Variants in ABL2 observed in about 807,000 individuals in gnomAD.
The protein encoded by ABL2 is tyrosine-protein kinase ABL2.
In ABL2, 49 loss-of-function variants were observed where a neutral mutation model predicts 107.7. The ratio of observed to expected loss-of-function variants is 0.45; its 90% CI spans 0.36 to 0.58. The LOEUF (loss-of-function observed/expected upper bound fraction) is 0.58. Ranked by LOEUF, ABL2 falls within the 20% of genes least tolerant of loss-of-function variation. The pLI, the probability that ABL2 is intolerant of heterozygous loss-of-function variation, is 0.00. For missense variants in ABL2, 1,245 were observed against 1,457.0 expected (o/e 0.85, Z 2.37); for synonymous variants, 549 against 548.6 (o/e 1.00, Z -0.01).
intron 1 of ABL2, among the ~76,000 whole-genome samples, chr1:179,133,672 T>C (rs1041691963): frequency 7.2e-5 from 11 of 152,322 alleles, no homozygotes; most frequent in African/African-American, 2.4e-4. Flanking sequence ...CAATATATAG[T>C]AGTCCCCCTT....
rs1172567627 is a variant in ABL2 at position 179,117,503 on chromosome 1, G to C, written c.1237C>G (p.Arg413Gly). ...KNFIHRDLAARNCLVGENHVV... is the reference protein window; with the variant it reads ...KNFIHRDLAAGNCLVGENHVV... ...TGGTTTTCTCCCACTAGGCAGTTAC[G>C]AGCTGCAAGATCTCTGTGGGAAAGA... The change falls in exon 8 of 12, where the codon CGT becomes GGT. Residue 413 changes from arginine (R) to glycine (G), a missense_variant. By Grantham distance (125) the Arg-to-Gly change is moderately radical. Coordinates refer to ENST00000502732, the MANE Select transcript of ABL2 (RefSeq NM_007314.4). The C allele has an allele frequency of 1.9e-6, 3 of 1,614,030 alleles. No homozygotes were observed.
rs781506284 is a variant in ABL2 at position 179,118,540 on chromosome 1, G to T, written c.1223+47C>A. 5.1e-6 allele frequency: 8 copies of T among 1,559,302 alleles called. No individual in the cohort carries two copies. The East Asian group carries it at 1.8e-4, about 35-fold the overall frequency. On this transcript the variant is annotated intron_variant, in intron 7 of 11. Transcript: ENST00000502732. Reference sequence around the variant, plus strand: ...CTCACATTCTTCCTTTTATCTGCATGTCAAGCAAGATGGCTTCATGGTTGG... The same window carrying T: ...CTCACATTCTTCCTTTTATCTGCATTTCAAGCAAGATGGCTTCATGGTTGG...
At chr1:179,163,982 G>A (rs1346376747) in intron 1 of ABL2, among the ~76,000 whole-genome samples, 2 of 152,154 alleles carry the variant, frequency 1.3e-5, no homozygotes, top group African/African-American at 4.8e-5. Context: ...CTAGCTCTAT[G>A]ACACTGCTGA....
At chr1:179,212,814 A>G (rs2124829453) in intron 1 of ABL2, among the ~76,000 whole-genome samples, 1 of 152,044 alleles carries the variant, frequency 6.6e-6, no homozygotes, top group East Asian at 1.9e-4. Flanking sequence ...TGGGAGGCCG[A>G]GGCAAGAGGA....
At chr1:179,142,273 TA>T (rs558117735) in intron 1 of ABL2, among the ~76,000 whole-genome samples, 2 of 152,168 alleles carry the variant, frequency 1.3e-5, no homozygotes, top group Non-Finnish European at 2.9e-5. Flanking sequence ...TATCACAATT[TA>T]AAAAAGGCAT....
chr1:179,184,963 T>C (rs73044740), intron 1 of ABL2, among the ~76,000 whole-genome samples: 14,371 of 152,144 alleles, frequency 0.094, 713 homozygotes, highest in African/African-American at 0.12. Context: ...CACCTAGCTC[T>C]GTCGGAAAAA....
chr1:179,188,477 G>GT (rs141865632), intron 1 of ABL2, among the ~76,000 whole-genome samples: 2,056 of 151,208 alleles, frequency 0.014, 45 homozygotes, highest in African/African-American at 0.048. Context: ...AACGCGGGAG[G>GT]TAGAGGTTGC....
At chr1:179,115,134 T>C (rs1654501475) in intron 8 of ABL2, 104 bp from the exon 9 acceptor site, 1 of 1,049,698 alleles carries the variant, frequency 9.5e-7, no homozygotes, top group African/African-American at 1.6e-5. Context: ...TCACACACTG[T>C]TACAACAACA....
chr1:179,126,395 A>G lies in ABL2; in HGVS notation c.669T>C (p.Asn223=). 6.2e-7 allele frequency: 1 copy of G among 1,614,038 alleles called. No homozygotes were observed. Among genetic ancestry groups the G allele is most frequent in the South Asian group, 1.1e-5 (1 of 91,082 alleles). The change falls in exon 4 of 12, where the codon AAT becomes AAC. Residue 223 remains asparagine (N), a synonymous_variant. Coordinates refer to ENST00000502732, the MANE Select transcript of ABL2 (RefSeq NM_007314.4). The surrounding 1 kb of genome is among the most constrained non-coding windows in gnomAD (Gnocchi z 4.4). ...YEGRVYHYRI[N]TTADGKVYVT... The stretch of plus-strand genomic sequence containing the variant: ...GTCTTACCTTGCCATCTGCAGTGGT[A>G]TTGATCCTGTAGTGATACACACGTC...
intron 1 of ABL2, among the ~76,000 whole-genome samples, chr1:179,181,647 ACT>A (rs1660378852): frequency 1.3e-5 from 2 of 151,852 alleles, no homozygotes; most frequent in Non-Finnish European, 2.9e-5. Flanking sequence ...ATTTCATGCA[ACT>A]CTTTTTGAAT....
chr1:179,139,868 CT>C (rs1242456080), intron 1 of ABL2, among the ~76,000 whole-genome samples: 1 of 152,154 alleles, frequency 6.6e-6, no homozygotes, highest in Non-Finnish European at 1.5e-5. Context: ...AATCTAATGC[CT>C]GATGATCTGA....
rs761724714 is a variant in ABL2, at chr1:179,110,418, T to G, written c.1689A>C (p.Ser563=). 6.2e-7 allele frequency: 1 copy of G among 1,613,892 alleles called. No homozygotes were observed. The highest frequency in any genetic ancestry group is 1.1e-5 in the South Asian group (1 of 91,020). ...AEELGRAASS[S]SVVPYLPRLP... ...GCCGGGGCAGGTATGGAACAACAGA[T>G]GACGAGGAGGCGGCTCTCCCAAGCT... The change falls in exon 11 of 12, where the codon TCA becomes TCC. Residue 563 remains serine, a synonymous_variant. Coordinates refer to ENST00000502732, the MANE Select transcript of ABL2 (RefSeq NM_007314.4).
At chr1:179,142,850 A>G (rs1657712699) in intron 1 of ABL2, 2 of 1,488,082 alleles carry the variant, frequency 1.3e-6, no homozygotes, top group East Asian at 2.3e-5. Context: ...AGTAGCAGAT[A>G]AGATGAATTT....
chr1:179,170,444 T>C (rs1040701676), intron 1 of ABL2, among the ~76,000 whole-genome samples: 7 of 151,816 alleles, frequency 4.6e-5, no homozygotes, highest in Non-Finnish European at 8.8e-5. Context: ...TGAGTCAGAC[T>C]CTTATTCTGT....
At chr1:179,226,337 A>C (rs1225683141) in intron 1 of ABL2, among the ~76,000 whole-genome samples, 1 of 135,730 alleles carries the variant, frequency 7.4e-6, no homozygotes, top group African/African-American at 2.8e-5. Flanking sequence ...TTTTTGAGAC[A>C]GAGTCTCGCT....
rs563534424 is a variant in ABL2 at position 179,159,969 on chromosome 1, C to T, written c.158-26595G>A. 7.9e-5 allele frequency among the ~76,000 whole-genome samples: 12 copies of T among 151,966 alleles called. No homozygotes were observed. In the South Asian group the frequency reaches 1.5e-3, roughly 18 times the overall value. On this transcript the variant is annotated intron_variant, in intron 1 of 11. Coordinates refer to ENST00000502732, the MANE Select transcript of ABL2 (RefSeq NM_007314.4). ...TCTCTATTAAAAATGCAAAAATTAG[C>T]TGGGTATGACGGCATGCACCTGTAG...
At chr1:179,156,236 C>T (rs1257789709) in intron 1 of ABL2, among the ~76,000 whole-genome samples, 1 of 152,206 alleles carries the variant, frequency 6.6e-6, no homozygotes, top group African/African-American at 2.4e-5. Context: ...TGGCTGCAAG[C>T]TATTTCCTAC....
intron 1 of ABL2, among the ~76,000 whole-genome samples, chr1:179,170,501 C>CT (rs1659656288): frequency 6.6e-6 from 1 of 152,148 alleles, no homozygotes; most frequent in African/African-American, 2.4e-5. Flanking sequence ...ACTGCAACCT[C>CT]TGCCTCCCGT....
chr1:179,206,405 T>C (rs141779252), intron 1 of ABL2, among the ~76,000 whole-genome samples: 28 of 152,026 alleles, frequency 1.8e-4, no homozygotes, highest in Non-Finnish European at 1.6e-4. Flanking sequence ...ATGACACATA[T>C]TAGGGTTTGT....
Sources: gnomAD v4.1 joint callset for allele counts (sites outside exome capture counted in the v4.1 genomes callset) on GRCh38, gnomAD v4.1.1 for gene constraint, Gnocchi (gnomAD v3.1) non-coding constraint, MANE v1.5 for transcripts, NCBI Gene and HGNC (gene_info 2026-07-23, HGNC 2026-07-21) for gene names.